Variants in LY86 observed in about 807,000 individuals in gnomAD.
LY86 encodes the protein MD-1, RP105-associated.
Under a neutral mutation model 17.3 loss-of-function variants are expected in LY86, and 20 were observed. The ratio of observed to expected loss-of-function variants is 1.15; its 90% CI spans 0.81 to 1.68. LY86 has a LOEUF of 1.68. Among genes scored for constraint, LY86 ranks in the 40% most tolerant of loss-of-function variants. The pLI is 0.00. For missense variants in LY86, 200 were observed against 191.9 expected (o/e 1.04, Z -0.25); for synonymous variants, 74 against 70.6 (o/e 1.05, Z -0.24).
At chr6:6,600,317 C>T (rs764903100) in intron 1 of LY86, among the ~76,000 whole-genome samples, 3 of 152,006 alleles carry the variant, frequency 2.0e-5, no homozygotes. Context: ...CAACCAGGCG[C>T]GGTGGCTCAT....
chr6:6,644,704 G>A (rs768461772), intron 3 of LY86, among the ~76,000 whole-genome samples: 1 of 152,114 alleles, frequency 6.6e-6, no homozygotes, highest in Non-Finnish European at 1.5e-5. Context: ...AACCAGGGAG[G>A]TGAATTTCTT....
At chr6:6,589,435 T>G (rs1760457607) in intron 1 of LY86, among the ~76,000 whole-genome samples, 1 of 152,136 alleles carries the variant, frequency 6.6e-6, no homozygotes, top group Admixed American at 6.5e-5. Context: ...CTAGAGATAA[T>G]AAAAGTGCAT....
chr6:6,640,825 A>G (rs1044412646), intron 3 of LY86, among the ~76,000 whole-genome samples: 24 of 152,220 alleles, frequency 1.6e-4, no homozygotes, highest in African/African-American at 5.8e-4. Flanking sequence ...GAAACCCAGG[A>G]AAAATTCTAA....
chr6:6,613,678 C>A (rs866466111), intron 1 of LY86, among the ~76,000 whole-genome samples: 2 of 152,356 alleles, frequency 1.3e-5, no homozygotes, highest in Admixed American at 6.5e-5. Context: ...CCTTGGCCAG[C>A]CCAGAAAGGG....
intron 1 of LY86, among the ~76,000 whole-genome samples, chr6:6,612,180 ACT>A (rs3062385): frequency 0.18 from 27,924 of 152,122 alleles, 2,739 homozygotes; most frequent in African/African-American, 0.25. Flanking sequence ...TCTTGGTCTC[ACT>A]GACTTCAAGA....
At chr6:6,613,268 G>T (rs975718419) in intron 1 of LY86, among the ~76,000 whole-genome samples, 6 of 150,468 alleles carry the variant, frequency 4.0e-5, no homozygotes, top group African/African-American at 1.5e-4. Context: ...ATCCCGCGCC[G>T]TGCGCCCGCA....
chr6:6,621,748 A>G (rs1440369783), intron 1 of LY86, among the ~76,000 whole-genome samples: 1 of 152,150 alleles, frequency 6.6e-6, no homozygotes, highest in African/African-American at 2.4e-5. Context: ...ACTACAAATA[A>G]CCACTACTAT....
chr6:6,606,372 C>T (rs766888400), intron 1 of LY86, among the ~76,000 whole-genome samples: 4 of 152,158 alleles, frequency 2.6e-5, no homozygotes, highest in African/African-American at 4.8e-5. Context: ...AAAGGTTCTC[C>T]AAGTCCCCCC....
At chr6:6,616,362 T>A (rs984213921) in intron 1 of LY86, among the ~76,000 whole-genome samples, 4 of 152,226 alleles carry the variant, frequency 2.6e-5, no homozygotes, top group Non-Finnish European at 4.4e-5. Context: ...GCTCATGTAC[T>A]GCAGGGTGAG....
chr6:6,651,034 C>A (rs1352962427), intron 4 of LY86, among the ~76,000 whole-genome samples: 1 of 152,014 alleles, frequency 6.6e-6, no homozygotes, highest in Non-Finnish European at 1.5e-5. Context: ...ATCCATGTTG[C>A]CACAAATGAC....
chr6:6,605,331 T>C (rs1761075248), intron 1 of LY86, among the ~76,000 whole-genome samples: 2 of 152,196 alleles, frequency 1.3e-5, no homozygotes, highest in South Asian at 2.1e-4. Context: ...TGGGGGTCTC[T>C]GGGAAAAGGT....
rs141102342 is a variant in LY86, at chr6:6,648,765, G to GAA, written c.353-855_353-854dup. On this transcript the variant is annotated intron_variant, in intron 3 of 4. Coordinates refer to ENST00000230568, the MANE Select transcript of LY86 (RefSeq NM_004271.4). Reference sequence around the variant, plus strand: ...TATTGTCATTATCTTACCCATCTTGGAAAAAAGAAAAAAACAAGGAAACTG... The same window carrying GAA: ...TATTGTCATTATCTTACCCATCTTGGAAAAAAAAGAAAAAAACAAGGAAACTG... Among the ~76,000 whole-genome samples, 334 of 144,518 alleles carry GAA rather than the reference G, an allele frequency of 2.3e-3. 3 individuals carry two copies. Among genetic ancestry groups the GAA allele is most frequent in the South Asian group, 0.022 (99 of 4,452 alleles). The allele number at this position is 144,518 out of a possible 152,430, so 94.8% of individuals were successfully genotyped here. A position where few individuals can be genotyped will look rare whatever the true frequency, so the allele number is the denominator to read the frequency against.
At chr6:6,627,759 C>G (rs1761817574) in intron 3 of LY86, among the ~76,000 whole-genome samples, 1 of 152,150 alleles carries the variant, frequency 6.6e-6, no homozygotes, top group South Asian at 2.1e-4. Context: ...CTTCCCACAC[C>G]AACCTTACAA....
chr6:6,592,055 G>T (rs372856732), intron 1 of LY86, among the ~76,000 whole-genome samples: 9 of 152,140 alleles, frequency 5.9e-5, no homozygotes, highest in African/African-American at 1.9e-4. Flanking sequence ...TGTAGATTTT[G>T]AATTGGAAGC....
At chr6:6,645,247 A>G (rs1000982823) in intron 3 of LY86, among the ~76,000 whole-genome samples, 4 of 152,230 alleles carry the variant, frequency 2.6e-5, no homozygotes, top group Admixed American at 2.0e-4. Flanking sequence ...TGCGTATTTC[A>G]GCATCCACCA....
intron 1 of LY86, among the ~76,000 whole-genome samples, chr6:6,605,152 C>T (rs183041935): frequency 6.6e-6 from 1 of 151,900 alleles, no homozygotes; most frequent in East Asian, 1.9e-4. Context: ...AAAGTAGCAA[C>T]TTTATCAATG....
At chr6:6,630,468 C>A (rs188740398) in intron 3 of LY86, among the ~76,000 whole-genome samples, 1 of 152,194 alleles carries the variant, frequency 6.6e-6, no homozygotes, top group Non-Finnish European at 1.5e-5. Flanking sequence ...CTGATAGTAT[C>A]GAGTCATTCA....
chr6:6,588,904 G>A (rs1760437946), intron 1 of LY86, 34 bp downstream of exon 1: 1 of 1,604,962 alleles, frequency 6.2e-7, no homozygotes, highest in Admixed American at 1.7e-5. Context: ...GTGTGTTTAT[G>A]GGGAAAGCAA....
intron 1 of LY86, among the ~76,000 whole-genome samples, chr6:6,596,829 C>T (rs1760729310): frequency 6.6e-6 from 1 of 152,110 alleles, no homozygotes; most frequent in African/African-American, 2.4e-5. Flanking sequence ...ACCTCCAAGC[C>T]TGAGTTAATT....
Sources: allele counts gnomAD v4.1 joint callset (sites outside exome capture counted in the v4.1 genomes callset), GRCh38; gene constraint gnomAD v4.1.1; transcripts MANE v1.5; gene names NCBI Gene and HGNC (gene_info 2026-07-23, HGNC 2026-07-21).